The following RORB variants were observed in gnomAD, a reference collection of about 807,000 sequenced individuals.
RORB encodes the protein nuclear receptor ROR-beta.
Under a neutral mutation model 59.1 loss-of-function variants are expected in RORB, and 6 were observed. The ratio of observed to expected loss-of-function variants is 0.10; its 90% CI spans 0.06 to 0.20. The LOEUF (loss-of-function observed/expected upper bound fraction) is 0.20. Ranked by LOEUF, RORB falls within the 10% of genes least tolerant of loss-of-function variation. RORB has a pLI of 1.00. For missense variants in RORB, 320 were observed against 560.5 expected (o/e 0.57, Z 4.33); for synonymous variants, 215 against 204.5 (o/e 1.05, Z -0.44).
At chr9:74,575,997 G>A (rs930208490) in intron 1 of RORB, among the ~76,000 whole-genome samples, 12 of 152,142 alleles carry the variant, frequency 7.9e-5, no homozygotes, top group South Asian at 2.1e-4. Context: ...AAGGTCCCTC[G>A]AAGCCAAACC....
chr9:74,537,238 G>C (rs961455840), intron 1 of RORB, among the ~76,000 whole-genome samples: 9 of 152,122 alleles, frequency 5.9e-5, no homozygotes, highest in African/African-American at 2.2e-4. Context: ...ATCTGTTTTT[G>C]CTTGGGAACT....
At chr9:74,623,354 G>C (rs1272943330) in intron 1 of RORB, among the ~76,000 whole-genome samples, 3 of 151,908 alleles carry the variant, frequency 2.0e-5, no homozygotes, top group Non-Finnish European at 2.9e-5. Context: ...TACACTGGGT[G>C]TTAATTACAG....
intron 1 of RORB, among the ~76,000 whole-genome samples, chr9:74,597,729 C>G (rs972261049): frequency 6.6e-6 from 1 of 152,062 alleles, no homozygotes; most frequent in Non-Finnish European, 1.5e-5. Context: ...GAGACCGAGG[C>G]GGGCAGATCA....
chr9:74,505,498 G>A (rs1825858569), intron 1 of RORB, among the ~76,000 whole-genome samples: 1 of 152,042 alleles, frequency 6.6e-6, no homozygotes. Context: ...TCCACCCAAA[G>A]TAAGGTACAG....
intron 1 of RORB, among the ~76,000 whole-genome samples, chr9:74,624,072 C>T (rs534973058): frequency 6.6e-6 from 1 of 152,098 alleles, no homozygotes; most frequent in Non-Finnish European, 1.5e-5. Context: ...GATAAATCAG[C>T]CTCTATTGTG....
intron 1 of RORB, among the ~76,000 whole-genome samples, chr9:74,501,641 T>A (rs1189527992): frequency 6.6e-6 from 1 of 152,328 alleles, no homozygotes; most frequent in Admixed American, 6.5e-5. Flanking sequence ...AAATAATATA[T>A]AGCCATAAGA....
At chr9:74,536,758 C>T (rs1029444279) in intron 1 of RORB, among the ~76,000 whole-genome samples, 1 of 151,806 alleles carries the variant, frequency 6.6e-6, no homozygotes, top group Non-Finnish European at 1.5e-5. Flanking sequence ...AAAAAGAAAA[C>T]ATCAGCTTAC....
In RORB at chr9:74,526,487, A is replaced by G. The variant is rs147041166; in HGVS notation, c.7+28504A>G. Among the ~76,000 whole-genome samples, 387 of 152,004 alleles carry G rather than the reference A, an allele frequency of 2.5e-3. 4 individuals are homozygous for G. The highest frequency in any genetic ancestry group is 8.7e-3 in the African/African-American group (360 of 41,508). ...TCATCTTTGAAGCTGCTCTGCCACA[A>G]TAGAATGGGTCTATTTTCATCAAAT... On this transcript the variant is annotated intron_variant, in intron 1 of 9. Transcript: ENST00000376896.
chr9:74,498,091 G>A (rs975637459), intron 1 of RORB, 108 bp downstream of exon 1: 41 of 1,294,400 alleles, frequency 3.2e-5, no homozygotes, highest in Non-Finnish European at 4.1e-5. Flanking sequence ...AGGTTGCCCA[G>A]GCGCAGTTCC....
chr9:74,639,850 G>T (rs1343861421), intron 3 of RORB, among the ~76,000 whole-genome samples: 1 of 152,098 alleles, frequency 6.6e-6, no homozygotes, highest in African/African-American at 2.4e-5. Context: ...CTATACAAAA[G>T]GTGTTTTTCC....
intron 1 of RORB, among the ~76,000 whole-genome samples, chr9:74,604,097 A>T (rs749627601): frequency 3.3e-5 from 5 of 152,236 alleles, no homozygotes; most frequent in Non-Finnish European, 7.3e-5. Flanking sequence ...CAATTATTTT[A>T]AAAATGTCCT....
chr9:74,646,424 A>G (rs1033301069), intron 4 of RORB, among the ~76,000 whole-genome samples: 3 of 152,198 alleles, frequency 2.0e-5, no homozygotes, highest in African/African-American at 7.2e-5. Flanking sequence ...AGAGTCAGGA[A>G]TACTCTCCCA....
At chr9:74,625,522 G>A (rs1426883394) in intron 1 of RORB, among the ~76,000 whole-genome samples, 1 of 152,216 alleles carries the variant, frequency 6.6e-6, no homozygotes, top group Non-Finnish European at 1.5e-5. Context: ...GCTGAGATGG[G>A]AGTATCCCCT....
chr9:74,505,826 A>C (rs1025681839), intron 1 of RORB, among the ~76,000 whole-genome samples: 2 of 152,124 alleles, frequency 1.3e-5, no homozygotes, highest in African/African-American at 4.8e-5. Flanking sequence ...CACAAATAAT[A>C]GTATTGCTCT....
intron 1 of RORB, among the ~76,000 whole-genome samples, chr9:74,625,038 A>AG (rs1369455999): frequency 6.6e-6 from 1 of 152,142 alleles, no homozygotes; most frequent in Non-Finnish European, 1.5e-5. Context: ...AGGCAAAAAA[A>AG]AAAGAAAGAG....
At chr9:74,634,816 G>A (rs1235051313) in intron 3 of RORB, 44 bp downstream of exon 3, 13 of 1,557,792 alleles carry the variant, frequency 8.3e-6, no homozygotes, top group Non-Finnish European at 9.6e-6. Context: ...CCTTTCAAAT[G>A]GATGCTTTGC....
intron 1 of RORB, among the ~76,000 whole-genome samples, chr9:74,603,887 C>A (rs1025311222): frequency 6.6e-6 from 1 of 152,132 alleles, no homozygotes; most frequent in Non-Finnish European, 1.5e-5. Flanking sequence ...AGGTCTTTGC[C>A]TTGCTTAAGT....
At chr9:74,520,441 A>T (rs1826069385) in intron 1 of RORB, among the ~76,000 whole-genome samples, 4 of 151,904 alleles carry the variant, frequency 2.6e-5, no homozygotes, top group Admixed American at 2.0e-4. Context: ...ATCGGCTAGG[A>T]TCGTTTACCT....
rs561238673 is a variant in RORB at position 74,545,115 on chromosome 9, G to A, written c.7+47132G>A. ...TGCGAGCAGGTTTTTTTTTTTTTGC[G>A]GCGCTTATTGGGGTTGAGGGGTCTT... On this transcript the variant is annotated intron_variant, in intron 1 of 9. Transcript: ENST00000376896. 1.5e-4 allele frequency among the ~76,000 whole-genome samples: 22 copies of A among 142,770 alleles called. No homozygotes were observed. The South Asian group carries it at 4.0e-3, about 26-fold the overall frequency. 93.7% of individuals were successfully genotyped at this position (142,770 alleles called of 152,430 possible).
Sources: allele counts gnomAD v4.1 joint callset (sites outside exome capture counted in the v4.1 genomes callset), GRCh38; gene constraint gnomAD v4.1.1; transcripts MANE v1.5; gene names NCBI Gene and HGNC (gene_info 2026-07-23, HGNC 2026-07-21).